The following GLIS3 variants were observed in gnomAD, a reference collection of about 807,000 sequenced individuals.
GLIS3 encodes the protein zinc finger protein GLIS3.
Under a neutral mutation model 78.6 loss-of-function variants are expected in GLIS3, and 53 were observed. The observed-to-expected ratio is 0.67, with a 90% CI of 0.54 to 0.85. The LOEUF is 0.85. Among genes scored for constraint, GLIS3 ranks in the 40% least tolerant of loss-of-function variants. The probability of loss-of-function intolerance (pLI) is 0.00; values close to 1 mark genes in which losing one functional copy is unlikely to be tolerated. For missense variants in GLIS3, 1,703 were observed against 1,231.1 expected, an observed-to-expected ratio of 1.38 and a Z score of -5.74; for synonymous variants, 684 against 509.9, an observed-to-expected ratio of 1.34 and a Z score of -4.60.
At chr9:4,173,107 G>C (rs964703597) in intron 2 of GLIS3, among the ~76,000 whole-genome samples, 1 of 152,028 alleles carries the variant, frequency 6.6e-6, no homozygotes, top group East Asian at 1.9e-4. Flanking sequence ...ATCTTTCTAC[G>C]TATCAATAAC....
chr9:3,852,413 G>T (rs1424296420), intron 9 of GLIS3, among the ~76,000 whole-genome samples: 1 of 152,166 alleles, frequency 6.6e-6, no homozygotes, highest in Non-Finnish European at 1.5e-5. Flanking sequence ...TAGCAACCCT[G>T]ACACTGCTTT....
chr9:4,051,913 C>T (rs1291718683), intron 4 of GLIS3, among the ~76,000 whole-genome samples: 1 of 152,200 alleles, frequency 6.6e-6, no homozygotes, highest in Non-Finnish European at 1.5e-5. Context: ...ATAGATGATA[C>T]ATACATGTCG....
intron 4 of GLIS3, among the ~76,000 whole-genome samples, chr9:4,000,031 T>G (rs556064371): frequency 6.6e-6 from 1 of 152,170 alleles, no homozygotes; most frequent in East Asian, 1.9e-4. Context: ...AGTATAGAAG[T>G]GATCAGAACA....
At chr9:4,085,100 T>C (rs1438002174) in intron 4 of GLIS3, among the ~76,000 whole-genome samples, 3 of 151,736 alleles carry the variant, frequency 2.0e-5, no homozygotes, top group Non-Finnish European at 1.5e-5. Context: ...AATGAAGGAA[T>C]GGATAAATAA....
intron 4 of GLIS3, among the ~76,000 whole-genome samples, chr9:4,059,914 ATGAT>A (rs1826504308): frequency 6.6e-6 from 1 of 151,194 alleles, no homozygotes; most frequent in Non-Finnish European, 1.5e-5. Flanking sequence ...AAAAAAATCT[ATGAT>A]TTTGTTTTTT....
chr9:3,957,794 T>G (rs1817243693), intron 4 of GLIS3, among the ~76,000 whole-genome samples: 2 of 152,176 alleles, frequency 1.3e-5, no homozygotes, highest in Non-Finnish European at 1.5e-5. Context: ...TCTGAAAAAT[T>G]AAGCATTTAT....
Position 3,979,956 on chromosome 9 carries a change from C to T in GLIS3, c.1711-42767G>A, listed in dbSNP as rs575403018. ...GGTCAACGTAAGGAACGGCAGATAA[C>T]GGTAAGTACCATGGAAGCAGGCAAA... On this transcript the variant is annotated intron_variant, in intron 4 of 10. Coordinates refer to ENST00000381971, the MANE Select transcript of GLIS3 (RefSeq NM_001042413.2). 7.9e-5 allele frequency among the ~76,000 whole-genome samples: 12 copies of T among 152,196 alleles called. No homozygotes were observed. The East Asian group carries it at 1.7e-3, about 22-fold the overall frequency.
chr9:4,304,424 T>A (rs1430378723), upstream of GLIS3, among the ~76,000 whole-genome samples: 1 of 152,220 alleles, frequency 6.6e-6, no homozygotes, highest in African/African-American at 2.4e-5. Flanking sequence ...TCAAAGACTT[T>A]ATGCAATGCT....
At chr9:4,053,833 T>C (rs1444824611) in intron 4 of GLIS3, among the ~76,000 whole-genome samples, 4 of 152,126 alleles carry the variant, frequency 2.6e-5, no homozygotes, top group Admixed American at 1.3e-4. Context: ...AGATTTCCAA[T>C]GTTCTTCTAA....
At chr9:4,143,250 T>C (rs1013929649) in intron 2 of GLIS3, among the ~76,000 whole-genome samples, 6 of 151,956 alleles carry the variant, frequency 3.9e-5, no homozygotes, top group African/African-American at 1.5e-4. Context: ...TTTGTGTGTG[T>C]GTGTGTGTAG....
intron 2 of GLIS3, among the ~76,000 whole-genome samples, chr9:4,228,671 G>C (rs1303092812): frequency 2.0e-5 from 3 of 152,140 alleles, no homozygotes; most frequent in African/African-American, 7.2e-5. Context: ...CAAGCCTCTA[G>C]GCCTTCAGGT....
intron 6 of GLIS3, among the ~76,000 whole-genome samples, chr9:3,916,821 A>G (rs1393178591): frequency 1.3e-5 from 2 of 152,218 alleles, no homozygotes. Flanking sequence ...TAGGAAAAGT[A>G]GCTTTAAGTT....
At chr9:4,337,826 G>A (rs942071873) in intron 2 of GLIS3, among the ~76,000 whole-genome samples, 1 of 152,214 alleles carries the variant, frequency 6.6e-6, no homozygotes, top group Non-Finnish European at 1.5e-5. Context: ...CAGATATGTT[G>A]TATCATTTAA....
chr9:4,357,194 T>G, the GLIS3 span, among the ~76,000 whole-genome samples: 1 of 152,236 alleles, frequency 6.6e-6, no homozygotes, highest in Non-Finnish European at 1.5e-5. Context: ...GGTTACAAGG[T>G]GCCCAGAAGT....
chr9:4,389,369 G>A, the GLIS3 span, among the ~76,000 whole-genome samples: 1 of 152,176 alleles, frequency 6.6e-6, no homozygotes, highest in Non-Finnish European at 1.5e-5. Flanking sequence ...ATACAATGTA[G>A]GGCGTGACAT....
intron 4 of GLIS3, among the ~76,000 whole-genome samples, chr9:3,983,245 A>C (rs1372649423): frequency 6.6e-6 from 1 of 152,216 alleles, no homozygotes; most frequent in Non-Finnish European, 1.5e-5. Context: ...GCTGCCATCC[A>C]TGTAAGACAT....
At chr9:4,227,757 A>G (rs1230881353) in intron 2 of GLIS3, among the ~76,000 whole-genome samples, 1 of 152,242 alleles carries the variant, frequency 6.6e-6, no homozygotes, top group Non-Finnish European at 1.5e-5. Flanking sequence ...AGGTGAAGCC[A>G]AGGAGCTCTG....
At chr9:4,268,584 G>A (rs994486535) in intron 2 of GLIS3, among the ~76,000 whole-genome samples, 1 of 152,136 alleles carries the variant, frequency 6.6e-6, no homozygotes, top group Non-Finnish European at 1.5e-5. Flanking sequence ...GGCAATGTAA[G>A]AGCAAGAATA....
At chr9:4,366,409 G>T in the GLIS3 span, among the ~76,000 whole-genome samples, 1 of 152,088 alleles carries the variant, frequency 6.6e-6, no homozygotes, top group South Asian at 2.1e-4. Context: ...CTTTTCCTGG[G>T]ATGGGAGGAA....
Sources: gnomAD v4.1 joint callset for allele counts (sites outside exome capture counted in the v4.1 genomes callset) on GRCh38, gnomAD v4.1.1 for gene constraint, MANE v1.5 for transcripts, NCBI Gene and HGNC (gene_info 2026-07-23, HGNC 2026-07-21) for gene names.